SVEP1: variants seen among roughly 807,000 people sequenced by gnomAD.
SVEP1 encodes sushi, von Willebrand factor type A, EGF and pentraxin domain containing 1.
SVEP1 carries 164 observed loss-of-function variants against 367.3 expected under a neutral mutation model. The observed-to-expected ratio is 0.45, with a 90% CI of 0.39 to 0.51. The LOEUF is 0.51. Ranked by LOEUF, SVEP1 falls within the 20% of genes least tolerant of loss-of-function variation. The probability of loss-of-function intolerance (pLI) is 0.00; values close to 1 mark genes in which losing one functional copy is unlikely to be tolerated. For missense variants in SVEP1, 4,117 were observed against 4,425.3 expected (o/e 0.93, Z 1.98); for synonymous variants, 1,666 against 1,611.6 (o/e 1.03, Z -0.81).
At chr9:110,388,943 T>G (rs1325684157) in intron 41 of SVEP1, among the ~76,000 whole-genome samples, 1 of 151,860 alleles carries the variant, frequency 6.6e-6, no homozygotes, top group Non-Finnish European at 1.5e-5. Context: ...CACTCCACCC[T>G]GGGTGACAGA....
intron 1 of SVEP1, among the ~76,000 whole-genome samples, chr9:110,556,274 G>A (rs1931308): frequency 2.0e-5 from 3 of 152,004 alleles, no homozygotes; most frequent in Non-Finnish European, 4.4e-5. Flanking sequence ...CCCACTCCAT[G>A]TCAGGCTGCA....
Position 110,404,571 on chromosome 9 carries a change from A to T in SVEP1, c.9441-19T>A. On this transcript the variant is annotated intron_variant, in intron 38 of 47. Coordinates refer to ENST00000374469, the MANE Select transcript of SVEP1 (RefSeq NM_153366.4). The stretch of plus-strand genomic sequence containing the variant: ...CAGACATCTGCAATGGAAATGCAAA[A>T]ATGAGTGCCTTAAATGAAGTACAAT... 1 of 1,607,526 alleles carries T rather than the reference A, an allele frequency of 6.2e-7. No individual in the cohort carries two copies. Among genetic ancestry groups the T allele is most frequent in the South Asian group, 1.1e-5 (1 of 90,956 alleles).
At chr9:110,458,429 C>T in intron 20 of SVEP1, 42 bp downstream of exon 20, 1 of 1,550,070 alleles carries the variant, frequency 6.5e-7, no homozygotes. Flanking sequence ...AATTGCTTTC[C>T]AAGCATTCCA....
chr9:110,377,074 TAAC>T (rs1228717150), intron 45 of SVEP1, 194 bp downstream of exon 45: 5 of 455,914 alleles, frequency 1.1e-5, no homozygotes, highest in South Asian at 1.1e-4. Context: ...TGGATCTTAA[TAAC>T]AGTATTTTCA....
intron 3 of SVEP1, among the ~76,000 whole-genome samples, chr9:110,542,609 G>A (rs1830165355): frequency 6.6e-6 from 1 of 152,068 alleles, no homozygotes; most frequent in South Asian, 2.1e-4. Flanking sequence ...TAACATTGTT[G>A]GCAATTACAA....
intron 1 of SVEP1, among the ~76,000 whole-genome samples, chr9:110,552,070 C>T (rs953063587): frequency 2.4e-5 from 3 of 124,934 alleles, no homozygotes; most frequent in Non-Finnish European, 4.8e-5. Context: ...CTCACTCTGT[C>T]ACCCAGGCTG....
At position 110,406,575 on chromosome 9, in the gene SVEP1, T is replaced by C. The variant is rs1185966640; in HGVS notation, c.9025A>G (p.Thr3009Ala). 4 of 1,613,640 alleles carry C rather than the reference T, an allele frequency of 2.5e-6. No individual in the cohort carries two copies. The African/African-American group carries it at 4.0e-5, about 16-fold the overall frequency. The part of the protein sequence containing the change: ...SPSCLPCRCS[T>A]PVIEYGTVNG... ...ACAGTTCCATATTCAATTACTGGTG[T>C]GGAACATCTGCAAGGCAGGCAGGAA... Residue 3009 changes from threonine to alanine, a missense_variant, in exon 38 of 48, where the codon ACA (threonine) becomes GCA (alanine). Physicochemically the swap from Thr to Ala is moderately conservative, Grantham distance 58. Coordinates refer to ENST00000374469, the MANE Select transcript of SVEP1 (RefSeq NM_153366.4).
chr9:110,441,826 C>T (rs891652092), intron 27 of SVEP1, among the ~76,000 whole-genome samples: 3 of 152,136 alleles, frequency 2.0e-5, no homozygotes, highest in African/African-American at 2.4e-5. Context: ...TCTTTCTGCT[C>T]GTGACAGAAC....
Position 110,443,779 on chromosome 9 carries a change from G to A in SVEP1, c.4464-59C>T, listed in dbSNP as rs956471310. The A allele has an allele frequency of 3.0e-5, 41 of 1,377,336 alleles. 1 individual carries two copies. In the South Asian group the frequency reaches 7.5e-4, roughly 25 times the overall value. 85.3% of individuals were successfully genotyped at this position (1,377,336 alleles called of 1,614,324 possible). ...TTAGCCATATGTTGCAATCCTTACT[G>A]TGGGGCATGCTACAATTTTTCTTCT... On this transcript the variant is annotated intron_variant, in intron 26 of 47. Transcript: ENST00000374469.
chr9:110,567,208 T>G (rs1009693212), intron 1 of SVEP1, among the ~76,000 whole-genome samples: 12 of 152,202 alleles, frequency 7.9e-5, no homozygotes, highest in African/African-American at 2.9e-4. Flanking sequence ...CAAAGTCAAC[T>G]AAGATGTGAT....
intron 27 of SVEP1, among the ~76,000 whole-genome samples, chr9:110,438,313 A>G (rs983580039): frequency 2.0e-5 from 3 of 151,320 alleles, no homozygotes; most frequent in African/African-American, 7.3e-5. Context: ...CAGCCTCCCA[A>G]ATAGATAGCT....
At chr9:110,532,352 C>G (rs1178476499) in intron 3 of SVEP1, among the ~76,000 whole-genome samples, 1 of 152,024 alleles carries the variant, frequency 6.6e-6, no homozygotes, top group African/African-American at 2.4e-5. Context: ...AGCTATAAAT[C>G]TAAGGGAGAA....
At chr9:110,432,140 T>C in intron 31 of SVEP1, 106 bp from the exon 32 acceptor site, 2 of 1,208,296 alleles carry the variant, frequency 1.7e-6, no homozygotes, top group Non-Finnish European at 2.3e-6. Context: ...TGCACAACAC[T>C]TCATATATTT....
In SVEP1 at chr9:110,407,734, T is replaced by A. The variant is rs758166475; in HGVS notation, c.7866A>T (p.Gly2622=). 1.7e-5 allele frequency: 27 copies of A among 1,613,822 alleles called. No individual in the cohort carries two copies. In the Admixed American group the frequency reaches 4.5e-4, roughly 27 times the overall value. ...GGTCATCTTTGAGTTTAGTACAGTC[T>A]CCAAAATCTATATGAGGAGGGAGGC... The part of the protein sequence containing the change: ...DCGLPPHIDF[G]DCTKLKDDQG... Residue 2622 remains glycine, a synonymous_variant, in exon 38 of 48, where the codon GGA becomes GGT. Transcript: ENST00000374469.
At chr9:110,540,382 C>T (rs1014132742) in intron 3 of SVEP1, among the ~76,000 whole-genome samples, 2 of 152,004 alleles carry the variant, frequency 1.3e-5, no homozygotes, top group Non-Finnish European at 2.9e-5. Flanking sequence ...AATACCAGAC[C>T]TACATTCCTG....
chr9:110,465,635 C>T (rs1828923737), intron 18 of SVEP1, among the ~76,000 whole-genome samples: 1 of 152,194 alleles, frequency 6.6e-6, no homozygotes, highest in African/African-American at 2.4e-5. Context: ...AAGTCTTGTA[C>T]TTCTTTTGTG....
intron 41 of SVEP1, among the ~76,000 whole-genome samples, chr9:110,388,592 C>G (rs1827563214): frequency 6.6e-6 from 1 of 152,196 alleles, no homozygotes; most frequent in Admixed American, 6.5e-5. Flanking sequence ...TAATGGACTT[C>G]TTTCAGCCCA....
chr9:110,519,866 C>CT (rs968324927), intron 3 of SVEP1, among the ~76,000 whole-genome samples: 12 of 151,398 alleles, frequency 7.9e-5, no homozygotes, highest in African/African-American at 2.7e-4. Context: ...TGGCAAGTGA[C>CT]TTTTTTTTTC....
At chr9:110,375,594 A>G in intron 45 of SVEP1, 131 bp from the exon 46 acceptor site, 1 of 726,808 alleles carries the variant, frequency 1.4e-6, no homozygotes, top group Non-Finnish European at 2.2e-6. Context: ...ATGACTCACT[A>G]AATAAGTTTC....
Sources: gnomAD v4.1 joint callset for allele counts (sites outside exome capture counted in the v4.1 genomes callset) on GRCh38, gnomAD v4.1.1 for gene constraint, MANE v1.5 for transcripts, NCBI Gene and HGNC (gene_info 2026-07-23, HGNC 2026-07-21) for gene names.